Variants in FHL2 observed in about 807,000 individuals in gnomAD.
The protein encoded by FHL2 is four and a half LIM domains 2.
In FHL2, 20 loss-of-function variants were observed where a neutral mutation model predicts 32.7. The observed-to-expected ratio is 0.61, with a 90% CI of 0.43 to 0.89. The LOEUF (loss-of-function observed/expected upper bound fraction) is 0.89, where lower values mean the gene tolerates loss of function less well. Among genes scored for constraint, FHL2 ranks in the 40% least tolerant of loss-of-function variants. The pLI, the probability that FHL2 is intolerant of heterozygous loss-of-function variation, is 0.00. For missense variants in FHL2, 311 were observed against 358.6 expected (o/e 0.87, Z 1.07); for synonymous variants, 123 against 128.1 (o/e 0.96, Z 0.27).
chr2:105,390,928 C>G (rs1169987422), intron 2 of FHL2, among the ~76,000 whole-genome samples: 2 of 151,586 alleles, frequency 1.3e-5, no homozygotes, highest in Non-Finnish European at 2.9e-5. Context: ...TCCTGGGTTG[C>G]TGGGATTACG....
intron 1 of FHL2, among the ~76,000 whole-genome samples, chr2:105,397,888 G>GTTT (rs55868128): frequency 0.21 from 29,274 of 138,360 alleles, 3,006 homozygotes; most frequent in South Asian, 0.26. Context: ...TTTGTTTTTT[G>GTTT]TTTTTTTTTG....
chr2:105,397,890 T>TTTTTTTTG (rs1683255768), intron 1 of FHL2, among the ~76,000 whole-genome samples: 1 of 148,228 alleles, frequency 6.7e-6, no homozygotes, highest in Non-Finnish European at 1.5e-5. Flanking sequence ...TGTTTTTTGT[T>TTTTTTTTG]TTTTTTTGTC....
chr2:105,384,663 A>G (rs1014144778), intron 3 of FHL2, among the ~76,000 whole-genome samples: 7 of 152,150 alleles, frequency 4.6e-5, no homozygotes, highest in Admixed American at 4.6e-4. Context: ...ATGCACCACC[A>G]CGCCCAGCTA....
At chr2:105,424,578 A>G (rs961606636) in intron 1 of FHL2, among the ~76,000 whole-genome samples, 1 of 152,236 alleles carries the variant, frequency 6.6e-6, no homozygotes, top group African/African-American at 2.4e-5. Context: ...ACATGCACAC[A>G]TATGTTTATT....
intron 1 of FHL2, among the ~76,000 whole-genome samples, chr2:105,397,881 G>GTTTTTTTTTTTTTTTTT (rs749684273): frequency 8.6e-6 from 1 of 116,302 alleles, no homozygotes; most frequent in African/African-American, 3.1e-5. Context: ...TTGTTTTTTT[G>GTTTTTTTTTTTTTTTTT]TTTTTTGTTT....
intron 2 of FHL2, among the ~76,000 whole-genome samples, chr2:105,391,873 G>A (rs1682760656): frequency 6.6e-6 from 1 of 152,188 alleles, no homozygotes; most frequent in Non-Finnish European, 1.5e-5. Context: ...AAAGCATCAG[G>A]CAACAGCCTG....
intron 1 of FHL2, among the ~76,000 whole-genome samples, chr2:105,417,684 CAAAAAAAAAAAAA>C (rs11353319): frequency 1.1e-5 from 1 of 89,396 alleles, no homozygotes; most frequent in Admixed American, 1.3e-4. Flanking sequence ...ACTCCATCTC[CAAAAAAAAAAAAA>C]AAAAAAAGAA....
At chr2:105,437,207 C>T (rs1044528329) in intron 1 of FHL2, among the ~76,000 whole-genome samples, 2 of 152,112 alleles carry the variant, frequency 1.3e-5, no homozygotes, top group South Asian at 2.1e-4. Flanking sequence ...AAAATGCCTC[C>T]AAAGTGTAAT....
chr2:105,357,919 C>T (rs977289294), downstream of FHL2: 1 of 152,154 alleles, frequency 6.6e-6, no homozygotes, highest in Non-Finnish European at 1.5e-5. Context: ...GATTTCTGCT[C>T]TTTGCTGATG....
chr2:105,403,643 T>C (rs1361933794), upstream of FHL2, among the ~76,000 whole-genome samples: 1 of 152,234 alleles, frequency 6.6e-6, no homozygotes, highest in African/African-American at 2.4e-5. Flanking sequence ...CTCCAGGTGA[T>C]TCTGATGACT....
At chr2:105,380,229 G>A (rs560438679) in intron 3 of FHL2, among the ~76,000 whole-genome samples, 2 of 152,278 alleles carry the variant, frequency 1.3e-5, no homozygotes, top group South Asian at 2.1e-4. Context: ...AGAGCTTAGA[G>A]GTAGACTAGA....
chr2:105,402,744 A>G (rs547020509), upstream of FHL2, among the ~76,000 whole-genome samples: 6 of 152,348 alleles, frequency 3.9e-5, no homozygotes, highest in South Asian at 1.2e-3. Context: ...ACAAATTTTC[A>G]TGAGACAATC....
At chr2:105,432,797 C>T (rs1345288196) in intron 1 of FHL2, among the ~76,000 whole-genome samples, 1 of 152,202 alleles carries the variant, frequency 6.6e-6, no homozygotes, top group Non-Finnish European at 1.5e-5. Context: ...ACATTATCAT[C>T]AAATGTTAAT....
chr2:105,379,572 G>C (rs941231815), intron 3 of FHL2, among the ~76,000 whole-genome samples: 1 of 152,170 alleles, frequency 6.6e-6, no homozygotes, highest in Admixed American at 6.6e-5. Flanking sequence ...ACCAAAAAGT[G>C]TTTTCTCCAA....
At chr2:105,420,281 C>T (rs1684060062) in intron 1 of FHL2, among the ~76,000 whole-genome samples, 1 of 152,170 alleles carries the variant, frequency 6.6e-6, no homozygotes, top group African/African-American at 2.4e-5. Context: ...GGCTTGTAGA[C>T]TCACTTCCCT....
chr2:105,407,014 G>A (rs1395972353), intron 1 of FHL2, among the ~76,000 whole-genome samples: 1 of 152,214 alleles, frequency 6.6e-6, no homozygotes, highest in East Asian at 1.9e-4. Flanking sequence ...GAGCTCCTTA[G>A]GGGCAAGAAC....
intron 3 of FHL2, among the ~76,000 whole-genome samples, chr2:105,377,538 G>A (rs1183196045): frequency 2.6e-5 from 4 of 152,184 alleles, no homozygotes; most frequent in Non-Finnish European, 5.9e-5. Flanking sequence ...GGCTGAGGCA[G>A]GAGAATCTTG....
At chr2:105,382,463 C>T (rs1010636680) in intron 3 of FHL2, among the ~76,000 whole-genome samples, 2 of 152,212 alleles carry the variant, frequency 1.3e-5, no homozygotes, top group Non-Finnish European at 2.9e-5. Context: ...ATCCCTTTAA[C>T]CCTTGGCAAG....
intron 1 of FHL2, among the ~76,000 whole-genome samples, chr2:105,413,265 C>T (rs1215954707): frequency 6.6e-6 from 1 of 152,152 alleles, no homozygotes; most frequent in African/African-American, 2.4e-5. Context: ...CCTATTTCTT[C>T]ACTCTCCTGA....
Sources: gnomAD v4.1 joint callset for allele counts (sites outside exome capture counted in the v4.1 genomes callset) on GRCh38, gnomAD v4.1.1 for gene constraint, MANE v1.5 for transcripts, NCBI Gene and HGNC (gene_info 2026-07-23, HGNC 2026-07-21) for gene names.